The following CACNA2D1 variants were observed in gnomAD, a reference collection of about 807,000 sequenced individuals.
The protein encoded by CACNA2D1 is calcium voltage-gated channel auxiliary subunit alpha2delta 1.
Under a neutral mutation model 171.5 loss-of-function variants are expected in CACNA2D1, and 53 were observed. That is an observed-to-expected ratio of 0.31 (90% CI 0.25 to 0.39). The LOEUF (loss-of-function observed/expected upper bound fraction) is 0.39, where lower values mean the gene tolerates loss of function less well. CACNA2D1 is among the 10% of genes least tolerant of loss of function. CACNA2D1 has a pLI of 1.00. For synonymous variants in CACNA2D1, 442 were observed against 443.1 expected, an observed-to-expected ratio of 1.00 and a Z score of 0.03; for missense variants, 903 against 1,299.8, an observed-to-expected ratio of 0.69 and a Z score of 4.69.
chr7:82,413,417 G>A (rs1585874743), intron 1 of CACNA2D1, among the ~76,000 whole-genome samples: 1 of 152,192 alleles, frequency 6.6e-6, no homozygotes, highest in African/African-American at 2.4e-5. Context: ...ACCTCTGCCT[G>A]GCTGCAGAGC....
chr7:82,403,115 A>G (rs1826624819), intron 1 of CACNA2D1, among the ~76,000 whole-genome samples: 1 of 152,110 alleles, frequency 6.6e-6, no homozygotes, highest in African/African-American at 2.4e-5. Context: ...GGGTGACACT[A>G]TTAGCAAAGA....
At chr7:82,111,334 G>A (rs183869569) in intron 6 of CACNA2D1, among the ~76,000 whole-genome samples, 10 of 103,284 alleles carry the variant, frequency 9.7e-5, no homozygotes, top group South Asian at 3.3e-4. Context: ...ACGCATACAC[G>A]TATATATATT....
At chr7:82,147,014 A>AGG (rs1793214379) in intron 4 of CACNA2D1, among the ~76,000 whole-genome samples, 6 of 120,644 alleles carry the variant, frequency 5.0e-5, no homozygotes, top group Admixed American at 3.6e-4. Flanking sequence ...AAAAAAAAAA[A>AGG]AAGCAGCTAT....
chr7:82,234,405 T>G (rs569639911), intron 3 of CACNA2D1, among the ~76,000 whole-genome samples: 7 of 152,002 alleles, frequency 4.6e-5, no homozygotes, highest in Non-Finnish European at 8.8e-5. Flanking sequence ...TCACAGAGGG[T>G]AGGGTAAGGA....
intron 5 of CACNA2D1, among the ~76,000 whole-genome samples, chr7:82,134,780 T>C (rs577133800): frequency 6.6e-6 from 1 of 152,264 alleles, no homozygotes; most frequent in African/African-American, 2.4e-5. Flanking sequence ...ATTTAAACAT[T>C]TGAATGAACA....
chr7:82,120,828 T>C (rs1216907120), intron 5 of CACNA2D1, among the ~76,000 whole-genome samples: 1 of 147,218 alleles, frequency 6.8e-6, no homozygotes, highest in Non-Finnish European at 1.5e-5. Flanking sequence ...TGAACCAAGA[T>C]TGCACCACTG....
chr7:81,963,923 A>T, intron 34 of CACNA2D1, 133 bp downstream of exon 34: 1 of 712,980 alleles, frequency 1.4e-6, no homozygotes. Flanking sequence ...CCAATAGGTG[A>T]TGTAAAGAAT....
chr7:82,356,104 T>C (rs997634839), intron 1 of CACNA2D1, among the ~76,000 whole-genome samples: 2 of 152,026 alleles, frequency 1.3e-5, no homozygotes, highest in Non-Finnish European at 2.9e-5. Context: ...AATAGCCAAA[T>C]GCATTGAGAC....
At chr7:82,443,841 CG>C (rs892342290), upstream of CACNA2D1, 1 of 249,370 alleles carries the variant, frequency 4.0e-6, no homozygotes, top group Non-Finnish European at 6.3e-6. Flanking sequence ...GAGGCGGGGG[CG>C]GGGGCGGAGG....
intron 4 of CACNA2D1, among the ~76,000 whole-genome samples, chr7:82,158,093 AT>A (rs1349621616): frequency 1.3e-5 from 2 of 152,122 alleles, no homozygotes; most frequent in Non-Finnish European, 1.5e-5. Flanking sequence ...AAACATATCT[AT>A]TTTGATAAAC....
intron 20 of CACNA2D1, among the ~76,000 whole-genome samples, chr7:81,991,860 A>T (rs534633184): frequency 2.2e-4 from 32 of 148,574 alleles, no homozygotes; most frequent in Admixed American, 8.1e-4. Flanking sequence ...TTTTAGACGG[A>T]GTATCGCTCT....
intron 12 of CACNA2D1, chr7:82,027,634 TC>T (rs1196643879): frequency 6.6e-6 from 1 of 151,798 alleles, no homozygotes; most frequent in Non-Finnish European, 1.5e-5. Flanking sequence ...TTATCATGGT[TC>T]TTTGTTGCAT....
At chr7:82,079,953 G>A (rs764242048) in intron 7 of CACNA2D1, among the ~76,000 whole-genome samples, 2 of 151,834 alleles carry the variant, frequency 1.3e-5, no homozygotes, top group Non-Finnish European at 2.9e-5. Flanking sequence ...TACAATATGT[G>A]TGTGTATGTC....
intron 1 of CACNA2D1, among the ~76,000 whole-genome samples, chr7:82,430,668 G>A (rs1471794678): frequency 1.3e-5 from 2 of 152,306 alleles, no homozygotes; most frequent in Admixed American, 6.5e-5. Flanking sequence ...GGAGTTAGAT[G>A]AGTGTAACTA....
At chr7:82,161,949 G>GA (rs1473666646) in intron 4 of CACNA2D1, among the ~76,000 whole-genome samples, 1 of 151,994 alleles carries the variant, frequency 6.6e-6, no homozygotes, top group Non-Finnish European at 1.5e-5. Context: ...AATAAAGACT[G>GA]AAAAGGAATG....
chr7:82,125,360 GCA>G, intron 5 of CACNA2D1, among the ~76,000 whole-genome samples: 1 of 152,148 alleles, frequency 6.6e-6, no homozygotes, highest in Non-Finnish European at 1.5e-5. Context: ...TAAGAAAATA[GCA>G]CAGTTTGCTG....
intron 5 of CACNA2D1, among the ~76,000 whole-genome samples, chr7:82,129,823 C>T (rs1005936209): frequency 3.9e-5 from 6 of 152,160 alleles, no homozygotes; most frequent in African/African-American, 1.4e-4. Flanking sequence ...AGTCTTTCTT[C>T]CCCAAGTGTT....
chr7:82,441,690 T>A (rs745930080), intron 1 of CACNA2D1, among the ~76,000 whole-genome samples: 13 of 152,134 alleles, frequency 8.5e-5, no homozygotes, highest in Non-Finnish European at 1.8e-4. Flanking sequence ...TGATGATGTA[T>A]CCCCTCCCAT....
chr7:82,085,281 C>T (rs924493260), intron 6 of CACNA2D1, among the ~76,000 whole-genome samples: 24 of 152,062 alleles, frequency 1.6e-4, no homozygotes, highest in African/African-American at 5.8e-4. Flanking sequence ...CTCCCCACCC[C>T]CAAGTTGTGA....
Sources: gnomAD v4.1 joint callset for allele counts (sites outside exome capture counted in the v4.1 genomes callset) on GRCh38, gnomAD v4.1.1 for gene constraint, MANE v1.5 for transcripts, NCBI Gene and HGNC (gene_info 2026-07-23, HGNC 2026-07-21) for gene names.